Variants in TRIM33 observed in about 807,000 individuals in gnomAD.
The protein encoded by TRIM33 is tripartite motif containing 33, also known as E3 ubiquitin-protein ligase TRIM33.
Under a neutral mutation model 125.4 loss-of-function variants are expected in TRIM33, and 20 were observed. The observed-to-expected ratio is 0.16, with a 90% CI of 0.11 to 0.23. The LOEUF is 0.23. TRIM33 is among the 10% of genes least tolerant of loss of function. The pLI is 1.00. For synonymous variants in TRIM33, 564 were observed against 513.9 expected, an observed-to-expected ratio of 1.10 and a Z score of -1.32; for missense variants, 920 against 1,411.4, an observed-to-expected ratio of 0.65 and a Z score of 5.58.
Position 114,397,620 on chromosome 1 carries a change from T to TTTAA in TRIM33, c.*27_*28insTTAA. On this transcript the variant is annotated 3_prime_UTR_variant, in exon 20 of 20. Coordinates refer to ENST00000358465, the MANE Select transcript of TRIM33 (RefSeq NM_015906.4). ...TTTTTTTTTTTCGTTTTTTTTTTTTTAAACAATTGATTTAAATCCATGTCA... is the reference window on the plus strand; with the variant it reads ...TTTTTTTTTTTCGTTTTTTTTTTTTTTTAAAAACAATTGATTTAAATCCATGTCA... 55 of 1,197,230 alleles carry TTTAA rather than the reference T, an allele frequency of 4.6e-5. No individual in the cohort carries two copies. The highest frequency in any genetic ancestry group is 1.7e-4 in the South Asian group (12 of 72,058). The allele number at this position is 1,197,230 out of a possible 1,614,324, so 74.2% of individuals were successfully genotyped here.
chr1:114,510,344 C>T (rs1653267575), intron 1 of TRIM33, among the ~76,000 whole-genome samples: 1 of 152,168 alleles, frequency 6.6e-6, no homozygotes, highest in Non-Finnish European at 1.5e-5. Context: ...CAGCCTCTCG[C>T]AGCCGGCACC....
intron 1 of TRIM33, among the ~76,000 whole-genome samples, chr1:114,465,302 G>GC (rs1165673386): frequency 1.3e-5 from 2 of 152,120 alleles, no homozygotes; most frequent in Non-Finnish European, 2.9e-5. Flanking sequence ...CTACATGTCA[G>GC]CCATGAAATA....
Position 114,430,891 on chromosome 1 carries a change from A to G in TRIM33, c.1062T>C (p.Thr354=), listed in dbSNP as rs1647902102. ...TAATTTCCTGTTCTACTCGTTTGTTAGTCTCATTTACTTCTTTTATCCTGA... is the reference window on the plus strand; with the variant it reads ...TAATTTCCTGTTCTACTCGTTTGTTGGTCTCATTTACTTCTTTTATCCTGA... ...VQNRIKEVNE[T]NKRVEQEIKV... is the part of the protein sequence containing the mutation. The change falls in exon 6 of 20, where the codon ACT becomes ACC. Residue 354 remains threonine (T), a synonymous_variant. Transcript: ENST00000358465. The G allele has an allele frequency of 6.2e-7, 1 of 1,600,932 alleles. No individual in the cohort carries two copies. Among genetic ancestry groups the G allele is most frequent in the Non-Finnish European group, 8.6e-7 (1 of 1,168,412 alleles).
At chr1:114,454,674 A>G (rs1649522509) in intron 4 of TRIM33, among the ~76,000 whole-genome samples, 1 of 58,812 alleles carries the variant, frequency 1.7e-5, no homozygotes, top group South Asian at 5.2e-4. Flanking sequence ...AGACTCCTCT[A>G]AAAAAAAAAA....
chr1:114,443,114 T>C (rs1572060668), intron 4 of TRIM33, among the ~76,000 whole-genome samples: 1 of 150,742 alleles, frequency 6.6e-6, no homozygotes, highest in Non-Finnish European at 1.5e-5. Context: ...CCAGGTGCGG[T>C]GGCTCACACC....
At chr1:114,432,590 T>C (rs1005193329) in intron 5 of TRIM33, among the ~76,000 whole-genome samples, 2 of 152,122 alleles carry the variant, frequency 1.3e-5, no homozygotes, top group Non-Finnish European at 1.5e-5. Context: ...ATCAAGACCA[T>C]CCTGGCTAAC....
chr1:114,439,059 CTAAT>C (rs935996196), intron 4 of TRIM33, among the ~76,000 whole-genome samples: 1 of 152,126 alleles, frequency 6.6e-6, no homozygotes, highest in African/African-American at 2.4e-5. Context: ...AAAGCTAACT[CTAAT>C]TAAATCTCAA....
At chr1:114,459,043 T>A (rs1027869045) in intron 4 of TRIM33, among the ~76,000 whole-genome samples, 2 of 152,192 alleles carry the variant, frequency 1.3e-5, no homozygotes, top group Non-Finnish European at 2.9e-5. Context: ...TATTTTAGTA[T>A]ATATTTGTTC....
intron 11 of TRIM33, among the ~76,000 whole-genome samples, chr1:114,415,213 C>G (rs1452228600): frequency 6.6e-6 from 1 of 151,900 alleles, no homozygotes; most frequent in Non-Finnish European, 1.5e-5. Flanking sequence ...CCAAGCTAGT[C>G]TCGAACTCCT....
At chr1:114,440,897 A>C (rs568818091) in intron 4 of TRIM33, among the ~76,000 whole-genome samples, 33 of 152,236 alleles carry the variant, frequency 2.2e-4, no homozygotes, top group Non-Finnish European at 4.3e-4. Flanking sequence ...TGATTGAAAG[A>C]CACAATCACA....
intron 4 of TRIM33, among the ~76,000 whole-genome samples, chr1:114,438,563 G>A (rs1648453524): frequency 6.6e-6 from 1 of 152,116 alleles, no homozygotes; most frequent in South Asian, 2.1e-4. Context: ...TTCAGGCACT[G>A]GGCTAAGTAT....
At chr1:114,417,096 T>C (rs1044739525) in intron 11 of TRIM33, among the ~76,000 whole-genome samples, 1 of 152,184 alleles carries the variant, frequency 6.6e-6, no homozygotes, top group Admixed American at 6.5e-5. Context: ...TGGAAAACAT[T>C]ATGCTAAGTA....
chr1:114,500,124 G>A (rs1652622975), intron 1 of TRIM33, among the ~76,000 whole-genome samples: 1 of 152,182 alleles, frequency 6.6e-6, no homozygotes, highest in Non-Finnish European at 1.5e-5. Flanking sequence ...CAGAGATCGT[G>A]CCATTGCACT....
At chr1:114,467,504 C>T (rs1650370963) in intron 1 of TRIM33, among the ~76,000 whole-genome samples, 1 of 152,102 alleles carries the variant, frequency 6.6e-6, no homozygotes, top group Admixed American at 6.5e-5. Context: ...AGAATATTAT[C>T]AAGGACAATA....
At chr1:114,463,032 G>A in intron 4 of TRIM33, 72 bp downstream of exon 4, 1 of 1,197,918 alleles carries the variant, frequency 8.3e-7, no homozygotes, top group Non-Finnish European at 1.1e-6. Flanking sequence ...ATCAATATTT[G>A]CTTTAAGAAG....
intron 1 of TRIM33, among the ~76,000 whole-genome samples, chr1:114,477,505 T>C (rs986668219): frequency 4.6e-5 from 7 of 152,228 alleles, no homozygotes; most frequent in Admixed American, 4.6e-4. Flanking sequence ...TCCTTAATCT[T>C]TGAGTCTTAG....
intron 1 of TRIM33, among the ~76,000 whole-genome samples, chr1:114,501,139 G>GAGATCCCGCCACTGCACTCC (rs1434093999): frequency 4.8e-5 from 3 of 61,980 alleles, no homozygotes; most frequent in African/African-American, 8.8e-5. Flanking sequence ...GCAGTGAGCC[G>GAGATCCCGCCACTGCACTCC]AGATCCCGCC....
At chr1:114,409,674 T>G (rs1444523117) in intron 12 of TRIM33, among the ~76,000 whole-genome samples, 2 of 152,120 alleles carry the variant, frequency 1.3e-5, no homozygotes, top group Non-Finnish European at 2.9e-5. Context: ...TGAACAAAAA[T>G]AATTACAAAG....
intron 5 of TRIM33, among the ~76,000 whole-genome samples, chr1:114,432,404 C>T (rs1648013700): frequency 6.6e-6 from 1 of 152,072 alleles, no homozygotes; most frequent in Non-Finnish European, 1.5e-5. Context: ...TGAACATTTC[C>T]AAAAACAAAA....
Sources: allele counts gnomAD v4.1 joint callset (sites outside exome capture counted in the v4.1 genomes callset), GRCh38; gene constraint gnomAD v4.1.1; transcripts MANE v1.5; gene names NCBI Gene and HGNC (gene_info 2026-07-23, HGNC 2026-07-21).